WDPCP: variants seen among roughly 807,000 people sequenced by gnomAD.
WDPCP encodes the protein WD repeat-containing and planar cell polarity effector protein fritz homolog.
In WDPCP, 71 loss-of-function variants were observed where a neutral mutation model predicts 93.1. The observed-to-expected ratio is 0.76, with a 90% CI of 0.63 to 0.93. WDPCP has a LOEUF of 0.93. Among genes scored for constraint, WDPCP ranks in the 40% least tolerant of loss-of-function variants. WDPCP has a pLI of 0.00. For synonymous variants in WDPCP, 315 were observed against 315.0 expected, an observed-to-expected ratio of 1.00 and a Z score of 0.00; for missense variants, 844 against 887.4, an observed-to-expected ratio of 0.95 and a Z score of 0.62.
At chr2:63,507,465 A>T (rs1701954744) in intron 1 of WDPCP, among the ~76,000 whole-genome samples, 1 of 152,088 alleles carries the variant, frequency 6.6e-6, no homozygotes, top group South Asian at 2.1e-4. Context: ...AAAATTAACA[A>T]TCATGTATTA....
chr2:63,677,541 GA>G (rs11341957), intron 2 of WDPCP, among the ~76,000 whole-genome samples: 120,452 of 151,978 alleles, frequency 0.79, 48,281 homozygotes, highest in East Asian at 0.98. Context: ...AAAAATCAAA[GA>G]AAAAAAGTCT....
At chr2:63,835,785 C>G in the WDPCP span, among the ~76,000 whole-genome samples, 1 of 152,018 alleles carries the variant, frequency 6.6e-6, no homozygotes, top group East Asian at 1.9e-4. Flanking sequence ...TCATATTATC[C>G]ATCTAATGAC....
intron 2 of WDPCP, among the ~76,000 whole-genome samples, chr2:63,660,187 A>G (rs1010158740): frequency 1.9e-4 from 29 of 152,234 alleles, no homozygotes; most frequent in African/African-American, 6.3e-4. Context: ...AAAAAAATTC[A>G]TTATTAATTA....
intron 2 of WDPCP, among the ~76,000 whole-genome samples, chr2:63,682,070 T>C (rs1668709288): frequency 6.6e-6 from 1 of 152,116 alleles, no homozygotes; most frequent in Non-Finnish European, 1.5e-5. Flanking sequence ...GAAGGACAGG[T>C]ACAAACAAGC....
chr2:63,667,862 C>G (rs1000620503), intron 2 of WDPCP, among the ~76,000 whole-genome samples: 1 of 152,076 alleles, frequency 6.6e-6, no homozygotes, highest in Non-Finnish European at 1.5e-5. Context: ...TAACTCAAAC[C>G]CCATGCTCCA....
intron 2 of WDPCP, among the ~76,000 whole-genome samples, chr2:63,744,442 T>C (rs1167166612): frequency 6.6e-6 from 1 of 152,122 alleles, no homozygotes; most frequent in African/African-American, 2.4e-5. Context: ...TGCCAGTTAA[T>C]TGATAAGCTT....
At position 63,258,644 on chromosome 2, in the gene WDPCP, TACTC is replaced by T. The variant is rs985111754; in HGVS notation, c.1915+659_1915+662del. Among the ~76,000 whole-genome samples the T allele has an allele frequency of 8.4e-4, 128 of 152,256 alleles. 2 individuals carry two copies. The highest frequency in any genetic ancestry group is 3.4e-3 in the Middle Eastern group (1 of 292). ...CTTTGCCTACTTTAGGAATAATAAATACTCAGGAAGAAAAGGAATTGGATTTGTA... is the reference window on the plus strand; with the variant it reads ...CTTTGCCTACTTTAGGAATAATAAATAGGAAGAAAAGGAATTGGATTTGTA... On this transcript the variant is annotated intron_variant, in intron 14 of 17. Coordinates refer to ENST00000272321, the MANE Select transcript of WDPCP (RefSeq NM_015910.7).
chr2:63,292,905 G>A (rs916678976), intron 13 of WDPCP, among the ~76,000 whole-genome samples: 20 of 152,208 alleles, frequency 1.3e-4, no homozygotes, highest in African/African-American at 3.9e-4. Flanking sequence ...TCTTAGCACA[G>A]TATCTGTTAC....
At chr2:63,777,224 A>T (rs1191524085) in intron 2 of WDPCP, among the ~76,000 whole-genome samples, 1 of 152,190 alleles carries the variant, frequency 6.6e-6, no homozygotes, top group East Asian at 1.9e-4. Flanking sequence ...ACTTTTAAAA[A>T]ATAATTGTCA....
intron 3 of WDPCP, among the ~76,000 whole-genome samples, chr2:63,611,310 G>C (rs1219766938): frequency 6.6e-6 from 1 of 152,068 alleles, no homozygotes; most frequent in South Asian, 2.1e-4. Context: ...GTATCTGCAG[G>C]ATAAATTCCT....
At chr2:63,430,510 T>C (rs2105437126) in intron 9 of WDPCP, among the ~76,000 whole-genome samples, 1 of 152,382 alleles carries the variant, frequency 6.6e-6, no homozygotes, top group South Asian at 2.1e-4. Context: ...AATTTTTTTC[T>C]GTACTATTTA....
chr2:63,522,950 C>T (rs946044867), intron 1 of WDPCP, among the ~76,000 whole-genome samples: 1 of 152,144 alleles, frequency 6.6e-6, no homozygotes, highest in African/African-American at 2.4e-5. Flanking sequence ...TTCTTTAACT[C>T]ATTCTATGAG....
At chr2:63,520,882 G>A (rs1171567059) in intron 1 of WDPCP, among the ~76,000 whole-genome samples, 3 of 137,596 alleles carry the variant, frequency 2.2e-5, no homozygotes, top group African/African-American at 8.4e-5. Flanking sequence ...GGGCAATGGA[G>A]TGAGACCCTA....
At chr2:63,309,328 A>T (rs1389926718) in intron 13 of WDPCP, among the ~76,000 whole-genome samples, 1 of 152,228 alleles carries the variant, frequency 6.6e-6, no homozygotes, top group Admixed American at 6.5e-5. Context: ...ATTAACATTT[A>T]TGTACCTAAT....
At chr2:63,319,884 A>G (rs368573240) in intron 12 of WDPCP, among the ~76,000 whole-genome samples, 14 of 152,352 alleles carry the variant, frequency 9.2e-5, no homozygotes, top group East Asian at 7.7e-4. Context: ...ATACATTTTA[A>G]ACATTATAAT....
intron 2 of WDPCP, among the ~76,000 whole-genome samples, chr2:63,680,570 C>G (rs942452143): frequency 3.9e-5 from 6 of 152,126 alleles, no homozygotes; most frequent in Non-Finnish European, 7.4e-5. Context: ...CCTTGTCACT[C>G]CAGGCTGAAT....
intron 14 of WDPCP, among the ~76,000 whole-genome samples, chr2:63,218,719 A>G (rs969350982): frequency 3.3e-5 from 5 of 151,992 alleles, no homozygotes; most frequent in South Asian, 2.1e-4. Flanking sequence ...TTTAGTAGAG[A>G]CAGGGTTTCA....
In WDPCP at chr2:63,284,574, AG is replaced by A. The variant is rs1269534718; in HGVS notation, c.1813-25166del. Among the ~76,000 whole-genome samples, 7 of 152,336 alleles carry A rather than the reference AG, an allele frequency of 4.6e-5. No individual in the cohort carries two copies. The East Asian group carries it at 1.4e-3, about 29-fold the overall frequency. ...TTGGGGCCATAATTTGGCAAACTAAAGGTAACTTGAACACAAGCACTGTAAT... is the reference window on the plus strand; with the variant it reads ...TTGGGGCCATAATTTGGCAAACTAAAGTAACTTGAACACAAGCACTGTAAT... On this transcript the variant is annotated intron_variant, in intron 13 of 17. Coordinates refer to ENST00000272321, the MANE Select transcript of WDPCP (RefSeq NM_015910.7).
rs542857113 is a variant in WDPCP at position 63,718,880 on chromosome 2, C to A, written n.309-68042G>T. ...GACTGGCTTATCAGTTACTGTTAGA[C>A]AAAATAATATTTTTTAAAAAACAAT... On this transcript the variant is annotated intron_variant and non_coding_transcript_variant, in intron 2 of 4. Transcript: ENST00000467687. Among the ~76,000 whole-genome samples the A allele has an allele frequency of 1.4e-3, 213 of 152,122 alleles. 1 individual carries two copies. In the South Asian group the frequency reaches 0.018, roughly 13 times the overall value.
Sources: gnomAD v4.1 joint callset for allele counts (sites outside exome capture counted in the v4.1 genomes callset) on GRCh38, gnomAD v4.1.1 for gene constraint, MANE v1.5 for transcripts, NCBI Gene and HGNC (gene_info 2026-07-23, HGNC 2026-07-21) for gene names.